Variants in GRID1 observed in about 807,000 individuals in gnomAD.
The protein encoded by GRID1 is glutamate ionotropic receptor delta type subunit 1.
In GRID1, 28 loss-of-function variants were observed where a neutral mutation model predicts 98.0. The observed-to-expected ratio is 0.29, with a 90% CI of 0.21 to 0.39. The LOEUF is 0.39. Ranked by LOEUF, GRID1 falls within the 10% of genes least tolerant of loss-of-function variation. The pLI, the probability that GRID1 is intolerant of heterozygous loss-of-function variation, is 1.00. For synonymous variants in GRID1, 553 were observed against 538.5 expected (o/e 1.03, Z -0.37); for missense variants, 1,111 against 1,340.5 (o/e 0.83, Z 2.67).
intron 8 of GRID1, among the ~76,000 whole-genome samples, chr10:85,763,147 T>C (rs1464595921): frequency 2.0e-5 from 3 of 152,158 alleles, no homozygotes; most frequent in African/African-American, 7.2e-5. Flanking sequence ...TCTTGGTCTT[T>C]TTGCCAGTGA....
At chr10:86,039,869 A>T (rs865860711) in intron 4 of GRID1, among the ~76,000 whole-genome samples, 10 of 152,232 alleles carry the variant, frequency 6.6e-5, no homozygotes, top group African/African-American at 2.4e-4. Flanking sequence ...CTCACAGAAG[A>T]GTCAGGTATA....
chr10:85,886,847 A>AT (rs1467574310), intron 5 of GRID1, among the ~76,000 whole-genome samples: 1 of 152,250 alleles, frequency 6.6e-6, no homozygotes, highest in East Asian at 1.9e-4. Context: ...AAGTTCCGAT[A>AT]TCAGAGAAAA....
chr10:85,680,993 C>T (rs192537113), intron 12 of GRID1, among the ~76,000 whole-genome samples: 6 of 152,150 alleles, frequency 3.9e-5, no homozygotes, highest in Admixed American at 1.3e-4. Flanking sequence ...AAGGGTGGCA[C>T]GGGGCTGAGG....
intron 2 of GRID1, among the ~76,000 whole-genome samples, chr10:86,333,183 C>G (rs892271814): frequency 6.6e-6 from 1 of 152,218 alleles, no homozygotes; most frequent in Non-Finnish European, 1.5e-5. Context: ...GGTTTCTCAT[C>G]TCTGCTTAGA....
intron 12 of GRID1, among the ~76,000 whole-genome samples, chr10:85,720,799 G>T (rs771981022): frequency 3.3e-5 from 5 of 152,108 alleles, no homozygotes; most frequent in Non-Finnish European, 7.4e-5. Flanking sequence ...AATCTTCGGG[G>T]TCTCAGGCTA....
At chr10:86,137,544 G>T (rs1010386901) in intron 4 of GRID1, among the ~76,000 whole-genome samples, 1 of 152,212 alleles carries the variant, frequency 6.6e-6, no homozygotes, top group African/African-American at 2.4e-5. Flanking sequence ...TCCAGCTGGG[G>T]AAATACTGCA....
chr10:86,256,394 G>T (rs1360605906), intron 2 of GRID1, among the ~76,000 whole-genome samples: 1 of 152,202 alleles, frequency 6.6e-6, no homozygotes, highest in Non-Finnish European at 1.5e-5. Flanking sequence ...GAGCCCAGGA[G>T]TCTGAGGCTA....
intron 12 of GRID1, among the ~76,000 whole-genome samples, chr10:85,719,974 A>G (rs535430426): frequency 1.3e-5 from 2 of 152,326 alleles, no homozygotes; most frequent in East Asian, 3.9e-4. Context: ...TTTCTCAGTG[A>G]AAGACCCTGT....
intron 5 of GRID1, among the ~76,000 whole-genome samples, chr10:85,879,512 T>A (rs576285014): frequency 8.5e-5 from 13 of 152,320 alleles, no homozygotes; most frequent in African/African-American, 2.4e-4. Flanking sequence ...AACCTGCTCC[T>A]GAATGACTAC....
intron 8 of GRID1, among the ~76,000 whole-genome samples, chr10:85,731,928 A>G (rs1841830174): frequency 8.2e-6 from 1 of 121,690 alleles, no homozygotes; most frequent in African/African-American, 3.8e-5. Flanking sequence ...AAAGAAAGAG[A>G]GAGAGAGAAG....
intron 8 of GRID1, among the ~76,000 whole-genome samples, chr10:85,805,017 G>A (rs1246579130): frequency 6.6e-6 from 1 of 151,494 alleles, no homozygotes; most frequent in Non-Finnish European, 1.5e-5. Context: ...GGGAGAAAAG[G>A]AAGGAAGAAG....
chr10:85,988,281 G>A (rs1427262489), intron 4 of GRID1, among the ~76,000 whole-genome samples: 1 of 152,192 alleles, frequency 6.6e-6, no homozygotes, highest in Non-Finnish European at 1.5e-5. Flanking sequence ...CAGGGGCAGA[G>A]GTGGCTTCAT....
intron 4 of GRID1, among the ~76,000 whole-genome samples, chr10:86,128,430 A>G (rs1013562594): frequency 2.6e-5 from 4 of 152,090 alleles, no homozygotes; most frequent in Non-Finnish European, 4.4e-5. Flanking sequence ...TGTCTCCTAC[A>G]GCAGCTCCTT....
intron 5 of GRID1, among the ~76,000 whole-genome samples, chr10:85,893,824 T>C (rs1359673875): frequency 6.6e-6 from 1 of 152,164 alleles, no homozygotes; most frequent in African/African-American, 2.4e-5. Flanking sequence ...CCTAGCAGGA[T>C]TTTTCTAGAA....
At chr10:85,952,584 T>G (rs915999212) in intron 4 of GRID1, among the ~76,000 whole-genome samples, 1 of 152,188 alleles carries the variant, frequency 6.6e-6, no homozygotes, top group African/African-American at 2.4e-5. Context: ...TGTTTGTGTT[T>G]TTTTTTCTTC....
chr10:86,190,383 C>T (rs1446739048), intron 3 of GRID1, among the ~76,000 whole-genome samples: 1 of 152,226 alleles, frequency 6.6e-6, no homozygotes, highest in Non-Finnish European at 1.5e-5. Context: ...CCACATACCT[C>T]CTCCCTTTGC....
At chr10:86,241,912 T>G (rs1352363387) in intron 2 of GRID1, among the ~76,000 whole-genome samples, 2 of 152,198 alleles carry the variant, frequency 1.3e-5, no homozygotes, top group Non-Finnish European at 1.5e-5. Flanking sequence ...ACCTCCTGTG[T>G]GCCAATGCCT....
intron 13 of GRID1, among the ~76,000 whole-genome samples, chr10:85,633,274 G>A (rs1842995776): frequency 6.6e-6 from 1 of 151,984 alleles, no homozygotes; most frequent in Non-Finnish European, 1.5e-5. Context: ...GATAAGACTT[G>A]GTATTATTAT....
At chr10:86,079,747 A>G (rs1843937916) in intron 4 of GRID1, among the ~76,000 whole-genome samples, 1 of 152,194 alleles carries the variant, frequency 6.6e-6, no homozygotes, top group Admixed American at 6.5e-5. Flanking sequence ...AAACGAGTTA[A>G]TGGGTGCAAA....
Sources: allele counts gnomAD v4.1 joint callset (sites outside exome capture counted in the v4.1 genomes callset), GRCh38; gene constraint gnomAD v4.1.1; transcripts MANE v1.5; gene names NCBI Gene and HGNC (gene_info 2026-07-23, HGNC 2026-07-21).